The following TTLL12 variants were observed in gnomAD, a reference collection of about 807,000 sequenced individuals.
TTLL12 encodes tubulin tyrosine ligase like 12.
Under a neutral mutation model 79.6 loss-of-function variants are expected in TTLL12, and 77 were observed. The observed-to-expected ratio is 0.97, with a 90% CI of 0.81 to 1.17. TTLL12 has a LOEUF of 1.17. Among genes scored for constraint, TTLL12 ranks in the 50% most tolerant of loss-of-function variants. The pLI is 0.00. For synonymous variants in TTLL12, 437 were observed against 376.1 expected, an observed-to-expected ratio of 1.16 and a Z score of -1.87; for missense variants, 969 against 895.9, an observed-to-expected ratio of 1.08 and a Z score of -1.04.
intron 1 of TTLL12, 38 bp downstream of exon 1, chr22:43,186,854 AC>A (rs1932197587): frequency 8.1e-7 from 1 of 1,237,518 alleles, no homozygotes; most frequent in Non-Finnish European, 1.0e-6. Context: ...CCGCGCTCCC[AC>A]CCCGGCCGCC....
At chr22:43,180,182 A>G (rs891234888) in intron 3 of TTLL12, among the ~76,000 whole-genome samples, 182 bp from the exon 4 acceptor site, 1 of 152,104 alleles carries the variant, frequency 6.6e-6, no homozygotes, top group African/African-American at 2.4e-5. Flanking sequence ...GCCTTTGCAG[A>G]CCAGGACACA....
Position 43,168,171 on chromosome 22 carries a change from G to A in TTLL12, c.1784-12C>T, listed in dbSNP as rs200160030. The A allele has an allele frequency of 4.1e-4, 661 of 1,613,050 alleles. 3 individuals carry two copies. The South Asian group carries it at 6.8e-3, about 17-fold the overall frequency. ...CATCACCCGCCTTCCTGATGGCAAA[G>A]AGCGCAGCAGAGTGTGAAGGCTCGT... is the stretch of plus-strand genomic sequence containing the variant. On this transcript the variant is annotated splice_polypyrimidine_tract_variant and intron_variant, in intron 13 of 13. Coordinates refer to ENST00000216129, the MANE Select transcript of TTLL12 (RefSeq NM_015140.4).
intron 2 of TTLL12, among the ~76,000 whole-genome samples, chr22:43,182,158 A>G (rs1329929914): frequency 6.6e-6 from 1 of 150,944 alleles, no homozygotes; most frequent in Non-Finnish European, 1.5e-5. Context: ...CCCGAGAGAG[A>G]ACATGAGCTG....
rs1385086192 is a variant in TTLL12 at position 43,176,266 on chromosome 22, G to A, written c.917+54C>T. On this transcript the variant is annotated intron_variant, in intron 6 of 13. Transcript: ENST00000216129. ...GGGCTGTGGGAACCACGAAGCATGG[G>A]AGGCGGGGACTGCGGACAAGTCCCA... 1.5e-5 allele frequency: 19 copies of A among 1,307,468 alleles called. No individual in the cohort carries two copies. The Admixed American group carries it at 3.3e-4, about 23-fold the overall frequency. The allele number at this position is 1,307,468 out of a possible 1,614,324, so 81.0% of individuals were successfully genotyped here.
At chr22:43,177,442 C>T (rs971666378) in intron 5 of TTLL12, among the ~76,000 whole-genome samples, 37 of 152,264 alleles carry the variant, frequency 2.4e-4, no homozygotes, top group Non-Finnish European at 3.7e-4. Flanking sequence ...AAGGCAGAGC[C>T]GCATCCATCT....
intron 11 of TTLL12, 107 bp from the exon 12 acceptor site, chr22:43,169,675 T>C (rs1440846812): frequency 8.0e-7 from 1 of 1,252,078 alleles, no homozygotes; most frequent in Non-Finnish European, 1.1e-6. Context: ...GGGTGGGGGT[T>C]CCAGGAGCAG....
chr22:43,183,215 T>G, intron 1 of TTLL12, 66 bp from the exon 2 acceptor site: 3 of 1,583,150 alleles, frequency 1.9e-6, no homozygotes, highest in Non-Finnish European at 2.6e-6. Context: ...CCTTCACCAC[T>G]CCAGAAAGCC....
At chr22:43,169,590 T>C (rs1931711443) in intron 11 of TTLL12, 22 bp from the exon 12 acceptor site, 2 of 1,611,790 alleles carry the variant, frequency 1.2e-6, no homozygotes, top group Non-Finnish European at 1.7e-6. Context: ...ACAGGGCCCA[T>C]CACGCTCTGT....
intron 12 of TTLL12, 149 bp from the exon 13 acceptor site, chr22:43,169,061 C>A: frequency 9.8e-7 from 1 of 1,022,834 alleles, no homozygotes; most frequent in Non-Finnish European, 1.4e-6. Flanking sequence ...ATGGCCACCT[C>A]CGCCCAGCAC....
At chr22:43,182,243 T>C (rs1057225281) in intron 2 of TTLL12, among the ~76,000 whole-genome samples, 1 of 152,226 alleles carries the variant, frequency 6.6e-6, no homozygotes, top group Non-Finnish European at 1.5e-5. Flanking sequence ...CTCACTTCAC[T>C]GAACCTGAAG....
chr22:43,172,597 C>T (rs376168412), intron 9 of TTLL12, 43 bp from the exon 10 acceptor site: 3 of 1,610,652 alleles, frequency 1.9e-6, no homozygotes, highest in Non-Finnish European at 2.5e-6. Flanking sequence ...CAGGACAGAG[C>T]CCCCTGGGGC....
In TTLL12 at chr22:43,179,882, G is replaced by A; in HGVS notation, c.665C>T (p.Ala222Val). The A allele has an allele frequency of 1.9e-6, 3 of 1,609,940 alleles. No homozygotes were observed. Among genetic ancestry groups the A allele is most frequent in the Non-Finnish European group, 2.5e-6 (3 of 1,179,416 alleles). Reference protein sequence around the residue: ...APFFYMPQQVAYTLLWPLRDL... With the variant: ...APFFYMPQQVVYTLLWPLRDL... Reference sequence around the variant, plus strand: ...CCTCAGGGGCCACAGCAGCGTGTAGGCCACCTGCTGCGGCATGTAGAAGAA... The same window carrying A: ...CCTCAGGGGCCACAGCAGCGTGTAGACCACCTGCTGCGGCATGTAGAAGAA... The change falls in exon 4 of 14, where the codon GCC becomes GTC. Residue 222 changes from alanine to valine, a missense_variant. Ala to Val is a moderately conservative substitution (Grantham distance 64). Transcript: ENST00000216129.
chr22:43,173,869 G>A (rs1931830090), intron 8 of TTLL12, 43 bp from the exon 9 acceptor site: 1 of 1,558,398 alleles, frequency 6.4e-7, no homozygotes, highest in East Asian at 2.3e-5. Context: ...TGGGGCCTGT[G>A]TTCCCAGATG....
intron 11 of TTLL12, chr22:43,170,175 C>G: frequency 2.9e-6 from 1 of 348,690 alleles, no homozygotes; most frequent in Non-Finnish European, 5.6e-6. Flanking sequence ...TCCCCAGGCA[C>G]AGAGCTCCAG....
intron 1 of TTLL12, among the ~76,000 whole-genome samples, chr22:43,186,196 C>G (rs138954): frequency 0.18 from 26,160 of 145,052 alleles, 3,607 homozygotes; most frequent in Non-Finnish European, 0.24. Context: ...AACACCCCCC[C>G]CCCCGCCAGC....
In TTLL12 at chr22:43,183,144, G is replaced by A. The variant is rs190915809; in HGVS notation, c.183C>T (p.Phe61=). ...RLLHKLEHEV[F]DAGEVFGIMQ... Reference sequence around the variant, plus strand: ...TGATCCCAAACACTTCCCCAGCGTCGAAAACCTGGGGGCCAGAGTTCCCGT... The same window carrying A: ...TGATCCCAAACACTTCCCCAGCGTCAAAAACCTGGGGGCCAGAGTTCCCGT... The change falls in exon 2 of 14, where the codon TTC becomes TTT. Residue 61 remains phenylalanine (F), a synonymous_variant. Coordinates refer to ENST00000216129, the MANE Select transcript of TTLL12 (RefSeq NM_015140.4). 2.4e-5 allele frequency: 39 copies of A among 1,613,692 alleles called. No homozygotes were observed. Among genetic ancestry groups the A allele is most frequent in the African/African-American group, 5.3e-5 (4 of 75,006 alleles).
Position 43,171,887 on chromosome 22 carries a change from T to A in TTLL12, c.1507A>T (p.Asn503Tyr). Residue 503 changes from asparagine (N) to tyrosine (Y), a missense_variant, in exon 11 of 14, where the codon AAC becomes TAC. Asn to Tyr is a moderately radical substitution (Grantham distance 143). Transcript: ENST00000216129. ...TGCTTCTCGTAGTCATCCAGGTCGT[T>A]GAGTGCAAAGGCCCTGGAAGACAAG... ...LRFSNRAFAL[N>Y]DLDDYEKHFT... 3.7e-6 allele frequency: 6 copies of A among 1,614,138 alleles called. No homozygotes were observed. The highest frequency in any genetic ancestry group is 5.1e-6 in the Non-Finnish European group (6 of 1,179,988).
chr22:43,173,336 G>C (rs758851520), intron 9 of TTLL12, among the ~76,000 whole-genome samples: 3 of 152,000 alleles, frequency 2.0e-5, no homozygotes, highest in Non-Finnish European at 4.4e-5. Flanking sequence ...TTAAAGACTG[G>C]GTCTTGCTCT....
chr22:43,168,953 C>A, intron 12 of TTLL12, 41 bp from the exon 13 acceptor site: 1 of 1,579,472 alleles, frequency 6.3e-7, no homozygotes, highest in Non-Finnish European at 8.6e-7. Flanking sequence ...CTGCTCAGAA[C>A]AGCCTCTCAA....
Sources: gnomAD v4.1 joint callset for allele counts (sites outside exome capture counted in the v4.1 genomes callset) on GRCh38, gnomAD v4.1.1 for gene constraint, MANE v1.5 for transcripts, NCBI Gene and HGNC (gene_info 2026-07-23, HGNC 2026-07-21) for gene names.